Variants in ZMYND12 observed in about 807,000 individuals in gnomAD.
ZMYND12 encodes zinc finger MYND-type containing 12, also known as zinc finger MYND domain-containing protein 12.
ZMYND12 carries 32 observed loss-of-function variants against 41.7 expected under a neutral mutation model. The ratio of observed to expected loss-of-function variants is 0.77; its 90% confidence interval spans 0.58 to 1.03. The LOEUF is 1.03. ZMYND12 is among the 50% of genes least tolerant of loss of function. The pLI is 0.00. For missense variants in ZMYND12, 424 were observed against 438.5 expected (o/e 0.97, Z 0.30); for synonymous variants, 148 against 164.8 (o/e 0.90, Z 0.78).
At chr1:42,455,198 A>C (rs1643143992) in intron 1 of ZMYND12, among the ~76,000 whole-genome samples, 1 of 152,124 alleles carries the variant, frequency 6.6e-6, no homozygotes, top group African/African-American at 2.4e-5. Context: ...ACCCTTCTTC[A>C]CTACTCCTGT....
intron 4 of ZMYND12, among the ~76,000 whole-genome samples, chr1:42,438,036 C>A (rs1642926772): frequency 6.6e-6 from 1 of 151,808 alleles, no homozygotes; most frequent in Non-Finnish European, 1.5e-5. Context: ...GTCTCGAACT[C>A]CTGACCTCAT....
chr1:42,455,985 A>T lies in ZMYND12; in HGVS notation c.13T>A (p.Tyr5Asn). 1.2e-6 allele frequency: 2 copies of T among 1,612,578 alleles called. No individual in the cohort carries two copies. Among genetic ancestry groups the T allele is most frequent in the Non-Finnish European group, 8.5e-7 (1 of 1,179,744 alleles). Residue 5 changes from tyrosine (Y) to asparagine (N), a missense_variant, in exon 1 of 8, where the codon TAC (tyrosine) becomes AAC (asparagine). Transcript: ENST00000372565. MNVI[Y>N]PLAVPKGRRL... ...CGCCCCTTGGGGACTGCCAGTGGGT[A>T]GATCACATTCATGGTGCAGCCAGCA...
intron 3 of ZMYND12, among the ~76,000 whole-genome samples, chr1:42,445,384 G>T (rs548022878): frequency 6.9e-6 from 1 of 145,610 alleles, no homozygotes; most frequent in African/African-American, 2.6e-5. Context: ...AGTGAGCCAA[G>T]ATCAGGCCAT....
At chr1:42,437,479 T>TGTGTGTGTGTGTGTGTGTG (rs373026143) in intron 4 of ZMYND12, among the ~76,000 whole-genome samples, 2 of 143,776 alleles carry the variant, frequency 1.4e-5, no homozygotes, top group African/African-American at 5.1e-5. Flanking sequence ...TGTGTGTGTG[T>TGTGTGTGTGTGTGTGTGTG]TTAAAAAGCT....
At chr1:42,440,675 TG>T (rs1290534539) in intron 3 of ZMYND12, among the ~76,000 whole-genome samples, 1 of 152,112 alleles carries the variant, frequency 6.6e-6, no homozygotes, top group African/African-American at 2.4e-5. Context: ...TTTTTGTTGT[TG>T]TTGTTGTTTT....
chr1:42,454,110 T>C (rs1345007730), intron 1 of ZMYND12, among the ~76,000 whole-genome samples: 1 of 152,150 alleles, frequency 6.6e-6, no homozygotes, highest in Non-Finnish European at 1.5e-5. Context: ...GGGAGGTTCC[T>C]AGCAGAGAGA....
rs140060376 is a variant in ZMYND12, at chr1:42,456,009, C to A, written c.-12G>T. 222 of 1,596,328 alleles carry A rather than the reference C, an allele frequency of 1.4e-4. 2 individuals are homozygous for A. The Middle Eastern group carries it at 1.8e-3, about 13-fold the overall frequency. ...TAGATCACATTCATGGTGCAGCCAG[C>A]AGTGCTGGTCTCTAAGACGGTTGCC... is the stretch of plus-strand genomic sequence containing the variant. On this transcript the variant is annotated 5_prime_UTR_variant, in exon 1 of 8. Transcript: ENST00000372565.
chr1:42,438,308 C>A lies in ZMYND12; in HGVS notation c.594+1548G>T, dbSNP rs188276075. Among the ~76,000 whole-genome samples the A allele has an allele frequency of 1.4e-4, 22 of 152,246 alleles. No individual in the cohort carries two copies. In the East Asian group the frequency reaches 4.1e-3, roughly 28 times the overall value. The stretch of plus-strand genomic sequence containing the variant: ...TTGACATGTAGAAGGGTTAAGAAAC[C>A]AACAAGGGCTAGGGAAAAGCCCTAC... On this transcript the variant is annotated intron_variant, in intron 4 of 7. Transcript: ENST00000372565.
chr1:42,434,065 C>T (rs926973499), intron 6 of ZMYND12, among the ~76,000 whole-genome samples: 4 of 152,184 alleles, frequency 2.6e-5, no homozygotes, highest in Non-Finnish European at 4.4e-5. Context: ...AGTCTTCCTT[C>T]TTCAACACCA....
At position 42,437,138 on chromosome 1, in the gene ZMYND12, A is replaced by C. The variant is rs1456749342; in HGVS notation, c.595-595T>G. On this transcript the variant is annotated intron_variant, in intron 4 of 7. Transcript: ENST00000372565. ...GAGGAATGAACTGTTGATACATGCA[A>C]CAACATGGATGAATCTCAAAATAAT... 3.3e-5 allele frequency among the ~76,000 whole-genome samples: 5 copies of C among 152,250 alleles called. No individual in the cohort carries two copies. In the South Asian group the frequency reaches 6.2e-4, roughly 19 times the overall value.
At chr1:42,443,042 G>A (rs1465162814) in intron 3 of ZMYND12, among the ~76,000 whole-genome samples, 1 of 152,204 alleles carries the variant, frequency 6.6e-6, no homozygotes, top group Non-Finnish European at 1.5e-5. Context: ...AAATGGGACA[G>A]GGCATTGACA....
In ZMYND12 at chr1:42,435,384, A is replaced by G. The variant is rs775385136; in HGVS notation, c.719T>C (p.Val240Ala). 6.2e-7 allele frequency: 1 copy of G among 1,609,278 alleles called. No individual in the cohort carries two copies. Among genetic ancestry groups the G allele is most frequent in the Admixed American group, 1.7e-5 (1 of 59,958 alleles). ...LDLADTLYTK[V>A]SEIWHAYLNN... ...CAAATATGCATGCCAGATCTCAGAG[A>G]CCTGTTGGGAAAAGAGATGGTAATA... is the stretch of plus-strand genomic sequence containing the variant. Residue 240 changes from valine (V) to alanine (A), a missense_variant and splice_region_variant, in exon 6 of 8, where the codon GTC (valine) becomes GCC (alanine). By Grantham distance (64) the Val-to-Ala change is moderately conservative (BLOSUM62 0). Transcript: ENST00000372565.
intron 1 of ZMYND12, among the ~76,000 whole-genome samples, chr1:42,453,706 C>CT (rs1373181257): frequency 6.6e-6 from 1 of 152,204 alleles, no homozygotes; most frequent in Non-Finnish European, 1.5e-5. Flanking sequence ...TTTCCCAAGC[C>CT]TGAGTGGCAG....
In ZMYND12 at chr1:42,451,132, ATCTG is replaced by A. The variant is rs1475967357; in HGVS notation, c.111-1077_111-1074del. On this transcript the variant is annotated intron_variant, in intron 1 of 7. Coordinates refer to ENST00000372565, the MANE Select transcript of ZMYND12 (RefSeq NM_032257.5). ...ATTCAAGTCTTATATTTCCTTGCTG[ATCTG>A]TCTAATTGTTCTATGCATTACTGAA... 2.0e-5 allele frequency among the ~76,000 whole-genome samples: 3 copies of A among 152,176 alleles called. No homozygotes were observed. In the East Asian group the frequency reaches 5.8e-4, roughly 29 times the overall value.
At chr1:42,450,101 A>G in intron 1 of ZMYND12, 42 bp from the exon 2 acceptor site, 3 of 1,604,738 alleles carry the variant, frequency 1.9e-6, no homozygotes, top group Non-Finnish European at 2.5e-6. Flanking sequence ...TATATTTGGC[A>G]TGACTTAAGA....
chr1:42,443,961 C>G (rs1030756564), intron 3 of ZMYND12, among the ~76,000 whole-genome samples: 1 of 152,160 alleles, frequency 6.6e-6, no homozygotes, highest in African/African-American at 2.4e-5. Flanking sequence ...CTGCTGGGCT[C>G]AAGCAATCCT....
Position 42,448,503 on chromosome 1 carries a change from CA to C in ZMYND12, c.387del (p.Val130CysfsTer54). ...TCGGCCAACAGCAGGTAAGCAGGCACAAGCTCTACGGAGCTCAGGCCATACA... is the reference window on the plus strand; with the variant it reads ...TCGGCCAACAGCAGGTAAGCAGGCACAGCTCTACGGAGCTCAGGCCATACA... ...VKLYGLSSVE[L>X]VPAYLLLAEA... On this transcript the variant is annotated frameshift_variant, in exon 3 of 8. Coordinates refer to ENST00000372565, the MANE Select transcript of ZMYND12 (RefSeq NM_032257.5). LOFTEE classifies it high-confidence loss of function. The C allele has an allele frequency of 1.2e-6, 2 of 1,607,484 alleles. No homozygotes were observed. The highest frequency in any genetic ancestry group is 1.7e-6 in the Non-Finnish European group (2 of 1,176,548).
intron 3 of ZMYND12, among the ~76,000 whole-genome samples, chr1:42,442,301 C>A (rs901663479): frequency 1.3e-5 from 2 of 152,010 alleles, no homozygotes; most frequent in African/African-American, 4.8e-5. Flanking sequence ...TGAAATAGTT[C>A]GGACAAGCAC....
chr1:42,445,100 G>A (rs1643009773), intron 3 of ZMYND12, among the ~76,000 whole-genome samples: 1 of 150,842 alleles, frequency 6.6e-6, no homozygotes, highest in Admixed American at 6.6e-5. Flanking sequence ...GAGCCACCGT[G>A]CCCGGCCAGA....
Sources: gnomAD v4.1 joint callset for allele counts (sites outside exome capture counted in the v4.1 genomes callset) on GRCh38, gnomAD v4.1.1 for gene constraint, MANE v1.5 for transcripts, NCBI Gene and HGNC (gene_info 2026-07-23, HGNC 2026-07-21) for gene names.